The following COL19A1 variants were observed in gnomAD, a reference collection of about 807,000 sequenced individuals.
COL19A1 encodes the protein collagen type XIX alpha 1 chain.
COL19A1 carries 159 observed loss-of-function variants against 190.2 expected under a neutral mutation model. The observed-to-expected ratio is 0.84, with a 90% CI of 0.73 to 0.95. COL19A1 has a LOEUF of 0.95. COL19A1 is among the 40% of genes least tolerant of loss of function. The pLI, the probability that COL19A1 is intolerant of heterozygous loss-of-function variation, is 0.00. For missense variants in COL19A1, 1,418 were observed against 1,431.9 expected (o/e 0.99, Z 0.16); for synonymous variants, 509 against 458.9 (o/e 1.11, Z -1.39).
intron 15 of COL19A1, among the ~76,000 whole-genome samples, chr6:70,088,373 A>G (rs1165156782): frequency 6.6e-6 from 1 of 152,168 alleles, no homozygotes; most frequent in Non-Finnish European, 1.5e-5. Context: ...ACTAGTGGTC[A>G]GGTATCTGGC....
intron 14 of COL19A1, among the ~76,000 whole-genome samples, chr6:70,048,964 G>A (rs781355784): frequency 8.6e-5 from 13 of 151,966 alleles, no homozygotes; most frequent in South Asian, 2.1e-4. Context: ...CCCAAAGAGC[G>A]TAATTCCTCT....
At chr6:70,010,444 G>A (rs1294732053) in intron 11 of COL19A1, among the ~76,000 whole-genome samples, 1 of 146,096 alleles carries the variant, frequency 6.8e-6, no homozygotes, top group African/African-American at 2.6e-5. Flanking sequence ...TTCCATCTGA[G>A]GTACCGGGTT....
intron 36 of COL19A1, 46 bp downstream of exon 36, chr6:70,163,442 T>A: frequency 6.4e-7 from 1 of 1,563,234 alleles, no homozygotes; most frequent in Non-Finnish European, 8.8e-7. Flanking sequence ...GGGCTTGGAG[T>A]GGGAGCAGGA....
chr6:69,977,990 A>C (rs757133384), intron 11 of COL19A1, among the ~76,000 whole-genome samples: 10 of 152,326 alleles, frequency 6.6e-5, no homozygotes, highest in Non-Finnish European at 1.3e-4. Flanking sequence ...ACTAGCCAGA[A>C]ACACAGTCTC....
chr6:70,064,822 CAG>C (rs915901927), intron 14 of COL19A1, among the ~76,000 whole-genome samples: 1 of 152,118 alleles, frequency 6.6e-6, no homozygotes, highest in Non-Finnish European at 1.5e-5. Context: ...AACAAACAAA[CAG>C]AGAGCCAAAT....
At chr6:70,142,170 C>T (rs1174746168) in intron 22 of COL19A1, 94 bp downstream of exon 22, 2 of 1,122,088 alleles carry the variant, frequency 1.8e-6, no homozygotes, top group East Asian at 5.1e-5. Flanking sequence ...CACTCATTTT[C>T]TTCACAAATG....
intron 11 of COL19A1, among the ~76,000 whole-genome samples, chr6:70,007,336 T>C (rs1239077084): frequency 6.6e-6 from 1 of 152,040 alleles, no homozygotes; most frequent in East Asian, 1.9e-4. Flanking sequence ...CTACAAGAGA[T>C]ATGGATGAGA....
chr6:70,140,826 C>T, intron 19 of COL19A1, 128 bp from the exon 20 acceptor site: 1 of 797,842 alleles, frequency 1.3e-6, no homozygotes, highest in Non-Finnish European at 2.2e-6. Context: ...CTGTGTGACA[C>T]TCTGGGTATT....
At chr6:69,892,902 G>T (rs1209670920) in intron 2 of COL19A1, among the ~76,000 whole-genome samples, 1 of 152,200 alleles carries the variant, frequency 6.6e-6, no homozygotes, top group East Asian at 1.9e-4. Context: ...AAGAAAAATG[G>T]ATTCTTATTC....
At chr6:69,871,015 G>A (rs2149931227) in intron 1 of COL19A1, among the ~76,000 whole-genome samples, 1 of 152,282 alleles carries the variant, frequency 6.6e-6, no homozygotes, top group African/African-American at 2.4e-5. Context: ...AGGTCATGAG[G>A]TTTCTGTAGA....
intron 11 of COL19A1, among the ~76,000 whole-genome samples, chr6:70,007,755 C>T (rs950963562): frequency 1.3e-5 from 2 of 151,870 alleles, no homozygotes; most frequent in African/African-American, 4.8e-5. Context: ...ACACTCCACC[C>T]AACAATAATA....
intron 4 of COL19A1, among the ~76,000 whole-genome samples, chr6:69,915,136 A>G (rs1771205692): frequency 6.6e-6 from 1 of 152,234 alleles, no homozygotes; most frequent in African/African-American, 2.4e-5. Flanking sequence ...GGAACACTGA[A>G]CAAAAACATC....
intron 1 of COL19A1, among the ~76,000 whole-genome samples, chr6:69,868,569 C>T (rs972661875): frequency 9.2e-5 from 14 of 152,198 alleles, no homozygotes; most frequent in African/African-American, 3.4e-4. Context: ...AATGGGGTTT[C>T]CTGGGAAAGG....
intron 8 of COL19A1, 85 bp from the exon 9 acceptor site, chr6:69,937,953 A>G (rs1773213934): frequency 3.1e-6 from 4 of 1,278,646 alleles, no homozygotes; most frequent in Non-Finnish European, 4.5e-6. Context: ...TTATCTTGCT[A>G]GTGCCAGCTT....
chr6:69,884,356 G>A (rs1768770497), intron 2 of COL19A1, among the ~76,000 whole-genome samples: 1 of 148,552 alleles, frequency 6.7e-6, no homozygotes, highest in East Asian at 1.9e-4. Flanking sequence ...AAAAAAAAAA[G>A]TATCAGACCA....
intron 11 of COL19A1, among the ~76,000 whole-genome samples, chr6:69,992,588 G>A (rs1279345857): frequency 5.3e-5 from 8 of 151,948 alleles, no homozygotes; most frequent in East Asian, 1.9e-4. Context: ...ATTCATGAGC[G>A]TGGAATGTTT....
At chr6:70,019,554 T>C (rs187541988) in intron 11 of COL19A1, among the ~76,000 whole-genome samples, 114 of 152,270 alleles carry the variant, frequency 7.5e-4, no homozygotes, top group African/African-American at 2.7e-3. Context: ...AACATTAAAT[T>C]CTGGTACTTT....
Position 70,121,930 on chromosome 6 carries a change from C to G in COL19A1, c.1329C>G (p.Asn443Lys). 1 of 1,580,786 alleles carries G rather than the reference C, an allele frequency of 6.3e-7. No individual in the cohort carries two copies. The highest frequency in any genetic ancestry group is 8.6e-7 in the Non-Finnish European group (1 of 1,163,848). Residue 443 changes from asparagine (N) to lysine (K), a missense_variant, in exon 17 of 51, where the codon AAC becomes AAG. Coordinates refer to ENST00000620364, the MANE Select transcript of COL19A1 (RefSeq NM_001858.6). The part of the protein sequence containing the change: ...GIHQTLGGYY[N>K]KDNKGNDEHE... ...ACCAAACTCTTGGTGGATATTATAA[C>G]AAGGATAACAAGGTATGGCTTCTTT...
chr6:70,207,364 CTTTTTTTT>C lies in COL19A1; in HGVS notation c.*106_*113del. On this transcript the variant is annotated 3_prime_UTR_variant, in exon 51 of 51. Coordinates refer to ENST00000620364, the MANE Select transcript of COL19A1 (RefSeq NM_001858.6). The stretch of plus-strand genomic sequence containing the variant: ...TCAAACCCTCATCATCTGTGGGTTG[CTTTTTTTT>C]TTTTTTTTTTTTTTTGGGAGTAAGC... 9 of 176,738 alleles carry C rather than the reference CTTTTTTTT, an allele frequency of 5.1e-5. No homozygotes were observed. The highest frequency in any genetic ancestry group is 3.0e-4 in the East Asian group (2 of 6,694). 10.9% of individuals were successfully genotyped at this position (176,738 alleles called of 1,614,324 possible). A position where few individuals can be genotyped will look rare whatever the true frequency, so the allele number is the denominator to read the frequency against.
Sources: allele counts gnomAD v4.1 joint callset (sites outside exome capture counted in the v4.1 genomes callset), GRCh38; gene constraint gnomAD v4.1.1; transcripts MANE v1.5; gene names NCBI Gene and HGNC (gene_info 2026-07-23, HGNC 2026-07-21).